CFAP47: variants seen among roughly 807,000 people sequenced by gnomAD.
The protein encoded by CFAP47 is cilia and flagella associated protein 47, also known as cilia- and flagella-associated protein 47.
A neutral mutation model predicts 148.1 loss-of-function variants in CFAP47; 29 were observed. The observed-to-expected ratio is 0.20, with a 90% CI of 0.15 to 0.27. The LOEUF is 0.27. CFAP47 is among the 10% of genes least tolerant of loss of function. The pLI is 1.00. For synonymous variants in CFAP47, 664 were observed against 577.3 expected (o/e 1.15, Z -2.15); for missense variants, 1,872 against 1,697.5 (o/e 1.10, Z -1.81).
chrX:36,324,517 C>T (rs1408218599), intron 57 of CFAP47, among the ~76,000 whole-genome samples: 7 of 111,404 alleles, frequency 6.3e-5, no homozygotes, highest in African/African-American at 2.3e-4. Context: ...CATGGATAAG[C>T]TGTATTAGCT....
At chrX:36,306,603 C>T (rs1421740259) in intron 54 of CFAP47, among the ~76,000 whole-genome samples, 169 bp from the exon 55 acceptor site, 1 of 110,787 alleles carries the variant, frequency 9.0e-6, no homozygotes, top group African/African-American at 3.3e-5. Context: ...TAACATGGGC[C>T]CTTTGAACAA....
chrX:35,987,597 C>T (rs1250484860), intron 15 of CFAP47, among the ~76,000 whole-genome samples: 3 of 111,248 alleles, frequency 2.7e-5, no homozygotes, highest in African/African-American at 6.5e-5. Context: ...TGGCGTCAGC[C>T]CCTTTCCAGG....
chrX:36,027,840 T>C (rs1601938386), intron 22 of CFAP47, among the ~76,000 whole-genome samples: 1 of 111,897 alleles, frequency 8.9e-6, no homozygotes, highest in Non-Finnish European at 1.9e-5. Flanking sequence ...TAGTTTTTAA[T>C]AGTAGCCTTT....
chrX:35,923,889 ATATGTGTATATATGTACATG>A (rs1569200638), intron 1 of CFAP47, among the ~76,000 whole-genome samples: 4 of 78,284 alleles, frequency 5.1e-5, no homozygotes, highest in African/African-American at 2.3e-4. Flanking sequence ...ATGTACATAT[ATATGTGTATATATGTACATG>A]TGTATATATG....
At chrX:36,070,942 T>G (rs894365395) in intron 27 of CFAP47, among the ~76,000 whole-genome samples, 16 of 112,227 alleles carry the variant, frequency 1.4e-4, no homozygotes, top group African/African-American at 5.2e-4. Context: ...AACCACCCCT[T>G]AATCTGCATG....
intron 57 of CFAP47, among the ~76,000 whole-genome samples, chrX:36,332,255 C>T (rs782208108): frequency 9.2e-6 from 1 of 108,905 alleles, no homozygotes; most frequent in Non-Finnish European, 1.9e-5. Flanking sequence ...TAGTTGGAGC[C>T]CTATCTGATA....
chrX:36,010,767 T>C (rs958801887), intron 21 of CFAP47, among the ~76,000 whole-genome samples: 1 of 112,085 alleles, frequency 8.9e-6, no homozygotes, highest in African/African-American at 3.2e-5. Flanking sequence ...ACTTTTTGTT[T>C]ATTGATTGTT....
intron 48 of CFAP47, among the ~76,000 whole-genome samples, chrX:36,251,128 G>T (rs1485941607): frequency 9.0e-6 from 1 of 110,838 alleles, no homozygotes; most frequent in Non-Finnish European, 1.9e-5. Context: ...TTTTTAAATA[G>T]GTTTGTTCTT....
At chrX:36,068,639 A>G (rs1470298704) in intron 27 of CFAP47, among the ~76,000 whole-genome samples, 1 of 111,532 alleles carries the variant, frequency 9.0e-6, no homozygotes, top group African/African-American at 3.3e-5. Context: ...CAAAATTTTA[A>G]CACACATTGT....
chrX:35,979,852 C>T (rs979532414), intron 15 of CFAP47, among the ~76,000 whole-genome samples: 4 of 111,955 alleles, frequency 3.6e-5, no homozygotes, highest in Non-Finnish European at 7.5e-5. Flanking sequence ...GCCCATTCCT[C>T]CCTAGTTAGA....
intron 45 of CFAP47, chrX:36,211,750 T>A (rs190843776): frequency 9.8e-5 from 20 of 204,767 alleles, no homozygotes; most frequent in African/African-American, 6.0e-4. Flanking sequence ...TTGCTTCTAG[T>A]GTAGTCTTTT....
intron 22 of CFAP47, among the ~76,000 whole-genome samples, chrX:36,018,862 A>G (rs1311944275): frequency 9.1e-6 from 1 of 109,672 alleles, no homozygotes; most frequent in African/African-American, 3.3e-5. Flanking sequence ...TACTGGCCTC[A>G]TAGAATGAAT....
intron 49 of CFAP47, among the ~76,000 whole-genome samples, chrX:36,267,477 C>CTTTTTT (rs1206035626): frequency 1.1e-4 from 9 of 82,123 alleles, no homozygotes; most frequent in Non-Finnish European, 1.6e-4. Flanking sequence ...GGTTCATGTT[C>CTTTTTT]TTTTTTTTTT....
At chrX:36,143,290 G>A (rs777430110) in intron 35 of CFAP47, among the ~76,000 whole-genome samples, 11 of 111,665 alleles carry the variant, frequency 9.9e-5, no homozygotes, top group African/African-American at 3.2e-4. Flanking sequence ...CTATTTTCCC[G>A]AGAAGAATAA....
At chrX:35,984,093 G>A (rs1601916035) in intron 15 of CFAP47, among the ~76,000 whole-genome samples, 4 of 110,690 alleles carry the variant, frequency 3.6e-5, no homozygotes, top group African/African-American at 1.3e-4. Flanking sequence ...TTTGGTTCTG[G>A]GCTTTTTCTG....
At chrX:36,086,490 A>G (rs1340709520) in intron 30 of CFAP47, among the ~76,000 whole-genome samples, 3 of 111,548 alleles carry the variant, frequency 2.7e-5, no homozygotes, top group Admixed American at 9.6e-5. Context: ...TCTGCTCCAT[A>G]GTTGTTCAGA....
At chrX:36,337,638 A>T (rs1287635568) in intron 57 of CFAP47, among the ~76,000 whole-genome samples, 2 of 111,495 alleles carry the variant, frequency 1.8e-5, no homozygotes, top group African/African-American at 6.5e-5. Context: ...TATTTTATTA[A>T]GAATATAGAG....
intron 49 of CFAP47, among the ~76,000 whole-genome samples, chrX:36,271,329 A>AT (rs1212868367): frequency 7.2e-5 from 8 of 111,643 alleles, no homozygotes; most frequent in Non-Finnish European, 1.3e-4. Context: ...TCATACAGAG[A>AT]TTTTCCTTAC....
chrX:36,076,997 C>T (rs907289220), intron 29 of CFAP47, among the ~76,000 whole-genome samples: 3 of 109,754 alleles, frequency 2.7e-5, no homozygotes, highest in Admixed American at 2.0e-4. Flanking sequence ...AATACAGAAT[C>T]CTTTCTCCAT....
Sources: gnomAD v4.1 joint callset for allele counts (sites outside exome capture counted in the v4.1 genomes callset) on GRCh38, gnomAD v4.1.1 for gene constraint, MANE v1.5 for transcripts, NCBI Gene and HGNC (gene_info 2026-07-23, HGNC 2026-07-21) for gene names.